The following TSPAN15 variants were observed in gnomAD, a reference collection of about 807,000 sequenced individuals.
TSPAN15 encodes the protein tetraspanin-15.
Under a neutral mutation model 34.5 loss-of-function variants are expected in TSPAN15, and 20 were observed. That is an observed-to-expected ratio of 0.58 (90% CI 0.41 to 0.84). TSPAN15 has a LOEUF of 0.84. Among genes scored for constraint, TSPAN15 ranks in the 40% least tolerant of loss-of-function variants. TSPAN15 has a pLI of 0.00. For synonymous variants in TSPAN15, 155 were observed against 153.9 expected (o/e 1.01, Z -0.05); for missense variants, 313 against 386.1 (o/e 0.81, Z 1.59).
rs111752366 is a variant in TSPAN15, at chr10:69,482,996, T to G, written c.97-695T>G. On this transcript the variant is annotated intron_variant, in intron 1 of 7. Transcript: ENST00000373290. The stretch of plus-strand genomic sequence containing the variant: ...TTTTTTTGTTGTTGTTGTTGTTGTT[T>G]TTTGTTTTTTGAGACCGAGTCTCGC... Among the ~76,000 whole-genome samples, 22 of 152,168 alleles carry G rather than the reference T, an allele frequency of 1.4e-4. 1 individual carries two copies. Among genetic ancestry groups the G allele is most frequent in the East Asian group, 5.8e-4 (3 of 5,176 alleles).
rs1206330392 is a variant in TSPAN15, at chr10:69,498,369, G to T, written c.543G>T (p.Val181=). The T allele has an allele frequency of 6.2e-7, 1 of 1,613,976 alleles. No homozygotes were observed. ...CSAPGPLACG[V]PYTCCIRNTT... Reference sequence around the variant, plus strand: ...CCCCTGGACCCCTGGCCTGTGGGGTGCCCTACACCTGCTGCATCAGGAACA... The same window carrying T: ...CCCCTGGACCCCTGGCCTGTGGGGTTCCCTACACCTGCTGCATCAGGAACA... Residue 181 remains valine, a synonymous_variant, in exon 5 of 8, where the codon GTG becomes GTT. Coordinates refer to ENST00000373290, the MANE Select transcript of TSPAN15 (RefSeq NM_012339.5).
In TSPAN15 at chr10:69,506,041, C is replaced by T; in HGVS notation, c.619-83C>T. ...ACAGCGGTTGAGGGACTAGCCTGGA[C>T]CTTGTGTACATGGCAGAGTCGGGGC... On this transcript the variant is annotated intron_variant, in intron 6 of 7. Transcript: ENST00000373290. The surrounding 1 kb of genome is among the most constrained non-coding windows in gnomAD (Gnocchi z 4.7). 4 of 1,160,728 alleles carry T rather than the reference C, an allele frequency of 3.4e-6. No individual in the cohort carries two copies. The East Asian group carries it at 7.0e-5, about 20-fold the overall frequency. The allele number at this position is 1,160,728 out of a possible 1,614,324, so 71.9% of individuals were successfully genotyped here.
chr10:69,540,888 G>A, the TSPAN15 span, among the ~76,000 whole-genome samples: 4 of 152,214 alleles, frequency 2.6e-5, no homozygotes, highest in African/African-American at 9.6e-5. Context: ...TTCAGGAGGA[G>A]AGCTGCGGGG....
In TSPAN15 at chr10:69,498,383, G is replaced by T; in HGVS notation, c.557G>T (p.Cys186Phe). ...GCCTGTGGGGTGCCCTACACCTGCT[G>T]CATCAGGAACACGGTAGACACTGCT... ...PLACGVPYTCCIRNTTEVVNT... is the reference protein window; with the variant it reads ...PLACGVPYTCFIRNTTEVVNT... Residue 186 changes from cysteine to phenylalanine, a missense_variant, in exon 5 of 8, where the codon TGC becomes TTC. Transcript: ENST00000373290. 1 of 1,613,962 alleles carries T rather than the reference G, an allele frequency of 6.2e-7. No homozygotes were observed. The highest frequency in any genetic ancestry group is 8.5e-7 in the Non-Finnish European group (1 of 1,179,894).
At chr10:69,542,958 A>C in the TSPAN15 span, among the ~76,000 whole-genome samples, 1 of 152,360 alleles carries the variant, frequency 6.6e-6, no homozygotes, top group East Asian at 1.9e-4. Flanking sequence ...GCAAGTATTC[A>C]ACCTCTCTGG....
At chr10:69,522,375 C>CAAAAAAAAAAAAAAAAAAAAAAAAA in the TSPAN15 span, among the ~76,000 whole-genome samples, 1 of 48,364 alleles carries the variant, frequency 2.1e-5, no homozygotes, top group Non-Finnish European at 3.5e-5. Flanking sequence ...GACCTTGTCT[C>CAAAAAAAAAAAAAAAAAAAAAAAAA]AAAAAAAAAA....
chr10:69,458,279 G>A (rs1294601360), intron 1 of TSPAN15, among the ~76,000 whole-genome samples: 1 of 152,130 alleles, frequency 6.6e-6, no homozygotes, highest in East Asian at 1.9e-4. Context: ...CTTTCGAGAA[G>A]AGCTTTATTA....
chr10:69,494,553 T>A (rs1842037012), intron 3 of TSPAN15: 2 of 835,706 alleles, frequency 2.4e-6, no homozygotes, highest in Non-Finnish European at 1.4e-6. Context: ...ACAGCCCCTC[T>A]GAGACTTGGT....
chr10:69,468,473 C>G (rs781662192), intron 1 of TSPAN15, among the ~76,000 whole-genome samples: 1 of 151,920 alleles, frequency 6.6e-6, no homozygotes, highest in Non-Finnish European at 1.5e-5. Context: ...CTGGAGTATC[C>G]CCTAATCAAT....
chr10:69,472,886 T>G (rs1841535557), intron 1 of TSPAN15, among the ~76,000 whole-genome samples: 1 of 152,214 alleles, frequency 6.6e-6, no homozygotes, highest in Admixed American at 6.5e-5. Flanking sequence ...CAAACTTCTG[T>G]GAACTTCTGG....
chr10:69,537,692 A>C, the TSPAN15 span, among the ~76,000 whole-genome samples: 634 of 152,366 alleles, frequency 4.2e-3, 5 homozygotes, highest in African/African-American at 0.014. Context: ...TTTCCAAATA[A>C]GAACACATTC....
intron 1 of TSPAN15, among the ~76,000 whole-genome samples, chr10:69,465,942 G>C (rs1322611672): frequency 6.6e-6 from 1 of 152,182 alleles, no homozygotes; most frequent in Admixed American, 6.5e-5. Flanking sequence ...GCTAACACAG[G>C]GACTGGTATC....
intron 1 of TSPAN15, among the ~76,000 whole-genome samples, chr10:69,451,895 G>C (rs1203312230): frequency 6.8e-6 from 1 of 147,176 alleles, no homozygotes; most frequent in Non-Finnish European, 1.5e-5. Flanking sequence ...TGTGAGAGCC[G>C]GTTGTCGACC....
At chr10:69,517,163 G>A in the TSPAN15 span, among the ~76,000 whole-genome samples, 1 of 152,130 alleles carries the variant, frequency 6.6e-6, no homozygotes, top group Non-Finnish European at 1.5e-5. Context: ...CTGTCACCTC[G>A]CTGGTGGCTG....
At chr10:69,477,376 A>G (rs113019379) in intron 1 of TSPAN15, among the ~76,000 whole-genome samples, 9,732 of 152,064 alleles carry the variant, frequency 0.064, 1,065 homozygotes, top group African/African-American at 0.22. Context: ...GCCTCCCAAA[A>G]TGCTGGGATT....
At chr10:69,546,268 G>C in the TSPAN15 span, among the ~76,000 whole-genome samples, 3 of 152,214 alleles carry the variant, frequency 2.0e-5, no homozygotes, top group Admixed American at 6.5e-5. Context: ...AGCCTGCGTA[G>C]TCTCTAGATT....
At chr10:69,471,117 C>T (rs1841495486) in intron 1 of TSPAN15, among the ~76,000 whole-genome samples, 1 of 152,150 alleles carries the variant, frequency 6.6e-6, no homozygotes, top group Admixed American at 6.5e-5. Flanking sequence ...ATATGTTTTT[C>T]TTACTTATTT....
At chr10:69,485,257 C>G (rs758361932) in intron 3 of TSPAN15, 42 bp downstream of exon 3, 3 of 1,586,520 alleles carry the variant, frequency 1.9e-6, no homozygotes, top group Non-Finnish European at 2.6e-6. Flanking sequence ...GTGTATGGAG[C>G]ACCCACTGTG....
Position 69,504,476 on chromosome 10 carries a change from C to G in TSPAN15, c.609C>G (p.Ile203Met). The change falls in exon 6 of 8, where the codon ATC (isoleucine) becomes ATG (methionine). Residue 203 changes from isoleucine (I) to methionine (M), a missense_variant. By Grantham distance (10) the Ile-to-Met change is conservative. Coordinates refer to ENST00000373290, the MANE Select transcript of TSPAN15 (RefSeq NM_012339.5). ...VVNTMCGYKT[I>M]DKERFSVQDV... ...ACACCATGTGTGGCTACAAAACTATCGACAAGGAGGTAATGTCTTTGAAAT... is the reference window on the plus strand; with the variant it reads ...ACACCATGTGTGGCTACAAAACTATGGACAAGGAGGTAATGTCTTTGAAAT... The G allele has an allele frequency of 6.2e-7, 1 of 1,614,030 alleles. No homozygotes were observed.
Sources: gnomAD v4.1 joint callset for allele counts (sites outside exome capture counted in the v4.1 genomes callset) on GRCh38, gnomAD v4.1.1 for gene constraint, Gnocchi (gnomAD v3.1) non-coding constraint, MANE v1.5 for transcripts, NCBI Gene and HGNC (gene_info 2026-07-23, HGNC 2026-07-21) for gene names.